The following KCTD1 variants were observed in gnomAD, a reference collection of about 807,000 sequenced individuals.
The protein encoded by KCTD1 is BTB/POZ domain-containing protein KCTD1.
KCTD1 carries 24 observed loss-of-function variants against 66.0 expected under a neutral mutation model. The ratio of observed to expected loss-of-function variants is 0.36; its 90% confidence interval spans 0.26 to 0.51. KCTD1 has a LOEUF of 0.51. Among genes scored for constraint, KCTD1 ranks in the 20% least tolerant of loss-of-function variants. The pLI, the probability that KCTD1 is intolerant of heterozygous loss-of-function variation, is 0.95. For synonymous variants in KCTD1, 511 were observed against 517.2 expected (o/e 0.99, Z 0.16); for missense variants, 943 against 1,205.2 (o/e 0.78, Z 3.22).
chr18:26,519,842 T>A (rs58356101), intron 1 of KCTD1, among the ~76,000 whole-genome samples: 1 of 152,154 alleles, frequency 6.6e-6, no homozygotes, highest in Non-Finnish European at 1.5e-5. Context: ...GGAGAGGGAC[T>A]GTGGCTGCTC....
intron 1 of KCTD1, among the ~76,000 whole-genome samples, chr18:26,585,482 G>T (rs1372050449): frequency 6.6e-6 from 1 of 152,104 alleles, no homozygotes; most frequent in African/African-American, 2.4e-5. Flanking sequence ...ATTTTTTAAT[G>T]AGAGGTTTCA....
intron 1 of KCTD1, among the ~76,000 whole-genome samples, chr18:26,568,194 TAAC>T (rs1269053625): frequency 6.6e-6 from 1 of 151,798 alleles, no homozygotes; most frequent in Non-Finnish European, 1.5e-5. Context: ...GTGGAGTAGT[TAAC>T]AAATATAAAT....
At chr18:26,637,027 G>A (rs988633804) in intron 1 of KCTD1, among the ~76,000 whole-genome samples, 4 of 152,212 alleles carry the variant, frequency 2.6e-5, no homozygotes, top group South Asian at 2.1e-4. Context: ...CACCCGCTGC[G>A]GTCCCTGCCA....
At chr18:26,617,819 GCAAT>G (rs1205189216) in intron 1 of KCTD1, among the ~76,000 whole-genome samples, 1 of 129,496 alleles carries the variant, frequency 7.7e-6, no homozygotes, top group African/African-American at 2.9e-5. Flanking sequence ...TTGGCATTAA[GCAAT>G]CAGAGGAAGA....
rs1224328016 is a variant in KCTD1 at position 26,468,872 on chromosome 18, C to G, written c.2133+7643G>C. 6.6e-6 allele frequency among the ~76,000 whole-genome samples: 1 copy of G among 152,148 alleles called. No homozygotes were observed. The highest frequency in any genetic ancestry group is 1.5e-5 in the Non-Finnish European group (1 of 68,032). On this transcript the variant is annotated intron_variant, in intron 3 of 4. Coordinates refer to ENST00000580059, the MANE Select transcript of KCTD1 (RefSeq NM_001142730.3). This position sits in a 1 kb window ranked among gnomAD's most constrained non-coding sequence, Gnocchi z 4.8. Reference sequence around the variant, plus strand: ...AAAGAAACCAAAAAACCCCAAAAGCCATGTCCCTCCCAGGTTCAAGAGAAA... The same window carrying G: ...AAAGAAACCAAAAAACCCCAAAAGCGATGTCCCTCCCAGGTTCAAGAGAAA...
chr18:26,516,956 A>C (rs770544491), intron 1 of KCTD1, among the ~76,000 whole-genome samples: 2 of 152,240 alleles, frequency 1.3e-5, no homozygotes, highest in Non-Finnish European at 2.9e-5. Context: ...AAGTAAAGGA[A>C]AATCAAACAC....
intron 1 of KCTD1, among the ~76,000 whole-genome samples, chr18:26,534,076 AT>A (rs552753090): frequency 2.0e-5 from 3 of 152,186 alleles, no homozygotes; most frequent in East Asian, 1.9e-4. Context: ...CAATTTGTAT[AT>A]TTTTTTATGA....
intron 1 of KCTD1, among the ~76,000 whole-genome samples, chr18:26,653,477 C>T (rs9807159): frequency 0.48 from 72,662 of 152,100 alleles, 17,796 homozygotes; most frequent in Non-Finnish European, 0.55. Flanking sequence ...CCATATTCCT[C>T]TTCCTTCAAA....
chr18:26,455,940 GTAAGTCC>G lies in KCTD1; in HGVS notation c.2440-46_2440-40del, dbSNP rs71376961. The stretch of plus-strand genomic sequence containing the variant: ...AGACAAGCATCCAGTTAGGGGTGAG[GTAAGTCC>G]TATGGCTACATAAACACCCCAAAGT... On this transcript the variant is annotated intron_variant, in intron 4 of 4. Transcript: ENST00000580059. 78,829 of 1,599,592 alleles carry G rather than the reference GTAAGTCC, an allele frequency of 0.049. 2,113 individuals carry two copies. Among genetic ancestry groups the G allele is most frequent in the African/African-American group, 0.067 (5,007 of 74,574 alleles).
chr18:26,614,617 G>A (rs1987210326), intron 1 of KCTD1, among the ~76,000 whole-genome samples: 1 of 152,208 alleles, frequency 6.6e-6, no homozygotes, highest in Non-Finnish European at 1.5e-5. Context: ...TTGTGAAGAT[G>A]TAGCAGGCAA....
At chr18:26,487,263 T>A (rs9952569) in intron 2 of KCTD1, among the ~76,000 whole-genome samples, 2 of 152,116 alleles carry the variant, frequency 1.3e-5, no homozygotes, top group Non-Finnish European at 2.9e-5. Context: ...AGCCTTGCAA[T>A]GACAAAGTCA....
At chr18:26,589,286 A>T (rs951109927) in intron 1 of KCTD1, among the ~76,000 whole-genome samples, 2 of 152,174 alleles carry the variant, frequency 1.3e-5, no homozygotes, top group Admixed American at 1.3e-4. Flanking sequence ...GACATTTAGA[A>T]AGAGTGAAGA....
intron 1 of KCTD1, chr18:26,543,130 A>C (rs185822007): frequency 2.6e-5 from 4 of 152,358 alleles, no homozygotes; most frequent in African/African-American, 9.6e-5. Flanking sequence ...TGAATGAAGA[A>C]AGTTATATAC....
At chr18:26,623,395 C>T (rs75445359) in intron 1 of KCTD1, among the ~76,000 whole-genome samples, 10,085 of 152,192 alleles carry the variant, frequency 0.066, 829 homozygotes, top group African/African-American at 0.2. Context: ...ACGATACACA[C>T]GTGTCATGGG....
intron 1 of KCTD1, among the ~76,000 whole-genome samples, chr18:26,513,213 G>C (rs982476846): frequency 6.7e-6 from 1 of 150,128 alleles, no homozygotes; most frequent in Admixed American, 6.7e-5. Context: ...TCAGCCTCCC[G>C]AGTAGCTGGG....
chr18:26,479,297 C>T (rs2144609616), intron 2 of KCTD1, among the ~76,000 whole-genome samples: 1 of 152,244 alleles, frequency 6.6e-6, no homozygotes, highest in Admixed American at 6.5e-5. Context: ...GCCTGAATTC[C>T]ACCCAGCACA....
intron 1 of KCTD1, among the ~76,000 whole-genome samples, chr18:26,604,728 C>T (rs750295526): frequency 3.9e-5 from 6 of 151,966 alleles, no homozygotes; most frequent in Non-Finnish European, 8.8e-5. Context: ...CAGACACAGG[C>T]GTCTACTTGA....
chr18:26,528,506 T>C (rs113019848), intron 1 of KCTD1, among the ~76,000 whole-genome samples: 269 of 152,314 alleles, frequency 1.8e-3, no homozygotes, highest in Middle Eastern at 0.01. Flanking sequence ...TCTCTCTTTT[T>C]AAAAACGTAC....
chr18:26,627,626 C>A (rs1987532116), intron 1 of KCTD1, among the ~76,000 whole-genome samples: 1 of 152,120 alleles, frequency 6.6e-6, no homozygotes, highest in Non-Finnish European at 1.5e-5. Context: ...GTATCTTTGG[C>A]CACCTGACTT....
Sources: allele counts gnomAD v4.1 joint callset (sites outside exome capture counted in the v4.1 genomes callset), GRCh38; gene constraint gnomAD v4.1.1; non-coding constraint Gnocchi (gnomAD v3.1); transcripts MANE v1.5; gene names NCBI Gene and HGNC (gene_info 2026-07-23, HGNC 2026-07-21).